The following IL6R variants were observed in gnomAD, a reference collection of about 807,000 sequenced individuals.
IL6R encodes the protein interleukin-6 receptor subunit alpha.
A neutral mutation model predicts 48.3 loss-of-function variants in IL6R; 38 were observed. The ratio of observed to expected loss-of-function variants is 0.79; its 90% confidence interval spans 0.61 to 1.03. The LOEUF (loss-of-function observed/expected upper bound fraction) is 1.03, where lower values mean the gene tolerates loss of function less well. IL6R is among the 50% of genes least tolerant of loss of function. The pLI is 0.00. For synonymous variants in IL6R, 264 were observed against 256.2 expected (o/e 1.03, Z -0.29); for missense variants, 534 against 618.3 (o/e 0.86, Z 1.45).
At chr1:154,445,323 A>C (rs1226879052) in intron 6 of IL6R, among the ~76,000 whole-genome samples, 2 of 152,096 alleles carry the variant, frequency 1.3e-5, no homozygotes, top group African/African-American at 4.8e-5. Context: ...TTACCACTTT[A>C]ACCCCAGAAA....
At chr1:154,420,716 A>G (rs997089964) in intron 1 of IL6R, among the ~76,000 whole-genome samples, 4 of 151,478 alleles carry the variant, frequency 2.6e-5, no homozygotes, top group Non-Finnish European at 5.9e-5. Context: ...TTGTATTTTT[A>G]ATAGAGACAG....
chr1:154,455,006 T>C (rs1276075628), intron 9 of IL6R, among the ~76,000 whole-genome samples: 1 of 151,960 alleles, frequency 6.6e-6, no homozygotes, highest in Non-Finnish European at 1.5e-5. Context: ...CTCTGCCTCC[T>C]AGGTTCAAGT....
intron 1 of IL6R, among the ~76,000 whole-genome samples, chr1:154,421,719 A>C (rs1477801138): frequency 6.6e-6 from 1 of 152,082 alleles, no homozygotes; most frequent in East Asian, 1.9e-4. Flanking sequence ...TCCTGGGCTC[A>C]AGTGATCCTT....
chr1:154,427,160 G>A (rs548971631), intron 1 of IL6R, among the ~76,000 whole-genome samples: 5 of 152,180 alleles, frequency 3.3e-5, no homozygotes, highest in South Asian at 2.1e-4. Context: ...CTTGTGATCC[G>A]TCTCGCCTCG....
chr1:154,429,161 C>A, intron 1 of IL6R, 35 bp from the exon 2 acceptor site: 2 of 1,592,476 alleles, frequency 1.3e-6, no homozygotes, highest in Non-Finnish European at 8.6e-7. Flanking sequence ...TCTTCAGTGG[C>A]TGTGGGCTCA....
intron 1 of IL6R, among the ~76,000 whole-genome samples, chr1:154,413,295 C>T (rs1325653614): frequency 3.3e-5 from 5 of 152,224 alleles, no homozygotes; most frequent in Admixed American, 6.5e-5. Flanking sequence ...CCACTGTGTC[C>T]GGCCACCCGG....
chr1:154,422,542 GT>G (rs920322622), intron 1 of IL6R, among the ~76,000 whole-genome samples: 17 of 150,358 alleles, frequency 1.1e-4, no homozygotes, highest in Middle Eastern at 3.5e-3. Flanking sequence ...TCAATATGGA[GT>G]TTTTTTTTTC....
chr1:154,448,056 G>A (rs1225629839), intron 6 of IL6R, 69 bp from the exon 7 acceptor site: 2 of 1,270,784 alleles, frequency 1.6e-6, no homozygotes, highest in Non-Finnish European at 2.3e-6. Flanking sequence ...TTTTTCTGAT[G>A]CTGAAGCCCC....
intron 6 of IL6R, among the ~76,000 whole-genome samples, chr1:154,442,346 T>A (rs1689983023): frequency 6.6e-6 from 1 of 151,810 alleles, no homozygotes; most frequent in Non-Finnish European, 1.5e-5. Flanking sequence ...TGTAGGAGGG[T>A]CCCAGACAGA....
intron 3 of IL6R, among the ~76,000 whole-genome samples, chr1:154,434,087 C>T (rs1317083412): frequency 1.3e-5 from 2 of 151,776 alleles, no homozygotes; most frequent in Admixed American, 1.3e-4. Context: ...AATCCCAGCA[C>T]TTTGGGAGGC....
At chr1:154,424,788 T>C (rs1166199382) in intron 1 of IL6R, among the ~76,000 whole-genome samples, 1 of 152,028 alleles carries the variant, frequency 6.6e-6, no homozygotes, top group African/African-American at 2.4e-5. Context: ...TGTTCAGTTG[T>C]GATGTAGCAG....
At chr1:154,465,017 C>G in intron 9 of IL6R, 117 bp from the exon 10 acceptor site, 3 of 1,185,256 alleles carry the variant, frequency 2.5e-6, no homozygotes, top group Non-Finnish European at 3.7e-6. Context: ...CTCCTTTGAG[C>G]CGAAACCTGG....
At chr1:154,453,621 A>G (rs6689393) in intron 8 of IL6R, among the ~76,000 whole-genome samples, 91,309 of 152,106 alleles carry the variant, frequency 0.6, 28,054 homozygotes, top group African/African-American at 0.7. Flanking sequence ...CTTCATTCAA[A>G]GAAATATTTT....
At chr1:154,431,410 C>T (rs973274656) in intron 3 of IL6R, among the ~76,000 whole-genome samples, 12 of 152,104 alleles carry the variant, frequency 7.9e-5, no homozygotes, top group Non-Finnish European at 1.3e-4. Flanking sequence ...CTAGTGGATG[C>T]CTGAAATCGC....
intron 1 of IL6R, chr1:154,406,297 C>G (rs1387309668): frequency 1.3e-5 from 2 of 152,408 alleles, no homozygotes; most frequent in African/African-American, 4.8e-5. Context: ...TGGCAGCCAC[C>G]AACTCTGGGA....
At chr1:154,422,103 C>T (rs1405659398) in intron 1 of IL6R, among the ~76,000 whole-genome samples, 9 of 152,108 alleles carry the variant, frequency 5.9e-5, no homozygotes, top group East Asian at 1.9e-4. Flanking sequence ...TGTGCCACCA[C>T]GCCCGGCTAA....
At position 154,468,736 on chromosome 1, in the gene IL6R, A is replaced by T. The variant is rs929383598; in HGVS notation, c.*3356A>T. 5 of 152,272 alleles carry T rather than the reference A, an allele frequency of 3.3e-5. No homozygotes were observed. The highest frequency in any genetic ancestry group is 1.2e-4 in the African/African-American group (5 of 41,466). 9.4% of individuals were successfully genotyped at this position (152,272 alleles called of 1,614,324 possible). ...CAGGGCCCAGTGGGGCAGGCTGGGC[A>T]TGTTGTGGTCTATGGGTTTGTTTCC... On this transcript the variant is annotated 3_prime_UTR_variant, in exon 10 of 10. Transcript: ENST00000368485.
At chr1:154,410,575 C>G (rs775770810) in intron 1 of IL6R, among the ~76,000 whole-genome samples, 9 of 152,142 alleles carry the variant, frequency 5.9e-5, no homozygotes, top group Non-Finnish European at 1.2e-4. Flanking sequence ...TGTAGTTAAT[C>G]TGTGTTCTTT....
At chr1:154,414,806 G>T in intron 1 of IL6R, 1 of 756,528 alleles carries the variant, frequency 1.3e-6, no homozygotes, top group Non-Finnish European at 2.4e-6. Context: ...TCAGCCACCC[G>T]CTTCTGGGAC....
Sources: gnomAD v4.1 joint callset for allele counts (sites outside exome capture counted in the v4.1 genomes callset) on GRCh38, gnomAD v4.1.1 for gene constraint, MANE v1.5 for transcripts, NCBI Gene and HGNC (gene_info 2026-07-23, HGNC 2026-07-21) for gene names.